FRMD3: variants seen among roughly 807,000 people sequenced by gnomAD.
FRMD3 encodes FERM domain containing 3.
FRMD3 carries 33 observed loss-of-function variants against 70.2 expected under a neutral mutation model. The observed-to-expected ratio is 0.47, with a 90% CI of 0.36 to 0.63. The LOEUF (loss-of-function observed/expected upper bound fraction) is 0.63. Ranked by LOEUF, FRMD3 falls within the 20% of genes least tolerant of loss-of-function variation. The pLI is 0.00. For missense variants in FRMD3, 632 were observed against 711.4 expected (o/e 0.89, Z 1.27); for synonymous variants, 279 against 255.9 (o/e 1.09, Z -0.86).
chr9:83,368,586 CTG>C (rs1824866636), intron 3 of FRMD3, among the ~76,000 whole-genome samples: 1 of 152,120 alleles, frequency 6.6e-6, no homozygotes, highest in African/African-American at 2.4e-5. Context: ...AATTAAGTAA[CTG>C]TGTAATTAAT....
chr9:83,308,095 A>G (rs898724944), intron 10 of FRMD3, among the ~76,000 whole-genome samples: 2 of 152,146 alleles, frequency 1.3e-5, no homozygotes, highest in Non-Finnish European at 2.9e-5. Flanking sequence ...TTTGTGCGTC[A>G]TCTCACCCAG....
At position 83,428,965 on chromosome 9, in the gene FRMD3, A is replaced by G. The variant is rs187566368; in HGVS notation, c.148-39257T>C. Among the ~76,000 whole-genome samples, 572 of 152,066 alleles carry G rather than the reference A, an allele frequency of 3.8e-3. 4 individuals are homozygous for G. The highest frequency in any genetic ancestry group is 0.013 in the African/African-American group (550 of 41,492). On this transcript the variant is annotated intron_variant, in intron 1 of 13. Coordinates refer to ENST00000304195, the MANE Select transcript of FRMD3 (RefSeq NM_174938.6). ...TTCATTGAAGCTAAAACACACACGC[A>G]CACACACACACAACTCATATGTAAT...
chr9:83,324,132 CTGTA>C (rs1587725128), intron 6 of FRMD3, among the ~76,000 whole-genome samples: 1 of 152,144 alleles, frequency 6.6e-6, no homozygotes, highest in South Asian at 2.1e-4. Context: ...AGACCTATGG[CTGTA>C]TGTATCACTG....
intron 1 of FRMD3, among the ~76,000 whole-genome samples, chr9:83,519,960 A>T (rs573891158): frequency 6.6e-6 from 1 of 152,158 alleles, no homozygotes; most frequent in Non-Finnish European, 1.5e-5. Context: ...ATATGGGCAC[A>T]GGGAGGGGAA....
intron 2 of FRMD3, among the ~76,000 whole-genome samples, chr9:83,373,519 A>G (rs1825045819): frequency 6.6e-6 from 1 of 152,174 alleles, no homozygotes; most frequent in Non-Finnish European, 1.5e-5. Flanking sequence ...TCAAGAAGAA[A>G]AATCAGCTCT....
chr9:83,442,319 G>A lies in FRMD3; in HGVS notation c.148-52611C>T, dbSNP rs536920365. Among the ~76,000 whole-genome samples, 7 of 147,042 alleles carry A rather than the reference G, an allele frequency of 4.8e-5. No homozygotes were observed. The East Asian group carries it at 1.4e-3, about 30-fold the overall frequency. On this transcript the variant is annotated intron_variant, in intron 1 of 13. Transcript: ENST00000304195. Reference sequence around the variant, plus strand: ...GTTGCCCAGGCTGGAGTGCAGTGGTGCGATCTCAGCTCACTGCAGCCTCCA... The same window carrying A: ...GTTGCCCAGGCTGGAGTGCAGTGGTACGATCTCAGCTCACTGCAGCCTCCA...
At chr9:83,405,408 C>A (rs1826071479) in intron 1 of FRMD3, among the ~76,000 whole-genome samples, 1 of 152,026 alleles carries the variant, frequency 6.6e-6, no homozygotes, top group Non-Finnish European at 1.5e-5. Flanking sequence ...GCTGGGTCCC[C>A]TAAAAGTTGC....
At chr9:83,337,914 C>T (rs1182887442) in intron 5 of FRMD3, among the ~76,000 whole-genome samples, 2 of 152,134 alleles carry the variant, frequency 1.3e-5, no homozygotes, top group African/African-American at 2.4e-5. Flanking sequence ...TTAATTTGAT[C>T]ATACCAAAAT....
At position 83,419,449 on chromosome 9, in the gene FRMD3, A is replaced by AGTGTGT. The variant is rs60945722; in HGVS notation, c.148-29747_148-29742dup. 1.7e-3 allele frequency among the ~76,000 whole-genome samples: 258 copies of AGTGTGT among 148,506 alleles called. 1 individual carries two copies. Among genetic ancestry groups the AGTGTGT allele is most frequent in the Middle Eastern group, 3.6e-3 (1 of 280 alleles). On this transcript the variant is annotated intron_variant, in intron 1 of 13. Coordinates refer to ENST00000304195, the MANE Select transcript of FRMD3 (RefSeq NM_174938.6). ...TGATCTTGAGGGGCTGCTGTGAGAG[A>AGTGTGT]GTGTGTGTGTGTGTGTGTGTGTGTT... is the stretch of plus-strand genomic sequence containing the variant.
At chr9:83,479,695 A>G (rs185350443) in intron 1 of FRMD3, among the ~76,000 whole-genome samples, 2 of 71,350 alleles carry the variant, frequency 2.8e-5, no homozygotes, top group African/African-American at 1.4e-4. Context: ...AAAGAAAGAA[A>G]GAAAGAAAGA....
chr9:83,359,950 T>C (rs1824530828), intron 3 of FRMD3, among the ~76,000 whole-genome samples: 1 of 152,198 alleles, frequency 6.6e-6, no homozygotes, highest in Non-Finnish European at 1.5e-5. Context: ...GAAACCAACA[T>C]GGCTAAAGTC....
chr9:83,482,059 C>T (rs1828579700), intron 1 of FRMD3, among the ~76,000 whole-genome samples: 1 of 151,822 alleles, frequency 6.6e-6, no homozygotes, highest in Admixed American at 6.6e-5. Context: ...AAACAAAAGA[C>T]AGCAAATTAC....
chr9:83,447,830 T>C (rs1488099913), intron 1 of FRMD3, among the ~76,000 whole-genome samples: 3 of 152,196 alleles, frequency 2.0e-5, no homozygotes, highest in African/African-American at 7.2e-5. Flanking sequence ...TCACCTCAAA[T>C]AAAATATTTG....
chr9:83,341,927 C>T (rs987413891), intron 5 of FRMD3, among the ~76,000 whole-genome samples: 7 of 152,148 alleles, frequency 4.6e-5, no homozygotes, highest in Non-Finnish European at 1.0e-4. Flanking sequence ...TGACAGGTTT[C>T]TCAATCAGTG....
At chr9:83,563,522 C>T in the FRMD3 span, among the ~76,000 whole-genome samples, 113 of 152,272 alleles carry the variant, frequency 7.4e-4, no homozygotes, top group African/African-American at 2.5e-3. Context: ...TGCTCAGATC[C>T]AGCCCACAGT....
intron 13 of FRMD3, among the ~76,000 whole-genome samples, chr9:83,270,667 G>A (rs748327481): frequency 6.6e-6 from 1 of 152,170 alleles, no homozygotes; most frequent in East Asian, 1.9e-4. Context: ...TCATCTCTGA[G>A]CCTCAGTTTC....
At chr9:83,309,896 T>C (rs900455446) in intron 9 of FRMD3, among the ~76,000 whole-genome samples, 1 of 152,150 alleles carries the variant, frequency 6.6e-6, no homozygotes, top group African/African-American at 2.4e-5. Flanking sequence ...ATCATCTACC[T>C]CTCTGTCACA....
the FRMD3 span, among the ~76,000 whole-genome samples, chr9:83,545,353 T>G: frequency 2.3e-5 from 3 of 129,286 alleles, no homozygotes; most frequent in East Asian, 2.1e-4. Context: ...GTTGTTTTTT[T>G]TTGTTTTTTT....
chr9:83,497,791 C>T (rs1157183939), intron 1 of FRMD3, among the ~76,000 whole-genome samples: 1 of 152,222 alleles, frequency 6.6e-6, no homozygotes, highest in Non-Finnish European at 1.5e-5. Context: ...AGAACAACTG[C>T]TCTTCACAGT....
Sources: gnomAD v4.1 joint callset for allele counts (sites outside exome capture counted in the v4.1 genomes callset) on GRCh38, gnomAD v4.1.1 for gene constraint, MANE v1.5 for transcripts, NCBI Gene and HGNC (gene_info 2026-07-23, HGNC 2026-07-21) for gene names.